SCAPER: variants seen among roughly 807,000 people sequenced by gnomAD.
SCAPER encodes the protein S phase cyclin A-associated protein in the endoplasmic reticulum.
Under a neutral mutation model 182.2 loss-of-function variants are expected in SCAPER, and 98 were observed. The observed-to-expected ratio is 0.54, with a 90% confidence interval of 0.46 to 0.64. SCAPER has a LOEUF of 0.64. Ranked by LOEUF, SCAPER falls within the 30% of genes least tolerant of loss-of-function variation. The probability of loss-of-function intolerance (pLI) is 0.00; values close to 1 mark genes in which losing one functional copy is unlikely to be tolerated. For synonymous variants in SCAPER, 605 were observed against 564.6 expected (o/e 1.07, Z -1.01); for missense variants, 1,432 against 1,690.0 (o/e 0.85, Z 2.68).
chr15:76,683,623 G>A (rs747598515), intron 20 of SCAPER, among the ~76,000 whole-genome samples: 5 of 151,432 alleles, frequency 3.3e-5, no homozygotes, highest in Non-Finnish European at 5.9e-5. Context: ...TCCCAAGGTC[G>A]AAATGAAAGA....
intron 21 of SCAPER, among the ~76,000 whole-genome samples, chr15:76,645,499 CATA>C (rs1482805998): frequency 2.0e-5 from 3 of 150,952 alleles, no homozygotes; most frequent in Admixed American, 2.0e-4. Flanking sequence ...ATACCTGAGG[CATA>C]ATAAGAGCTC....
At chr15:76,895,299 A>G (rs1331792788) in intron 1 of SCAPER, among the ~76,000 whole-genome samples, 1 of 152,202 alleles carries the variant, frequency 6.6e-6, no homozygotes, top group Non-Finnish European at 1.5e-5. Flanking sequence ...ATCTCAATAA[A>G]TGCAGAAAAA....
intron 20 of SCAPER, among the ~76,000 whole-genome samples, chr15:76,678,348 T>C (rs2057484191): frequency 6.6e-6 from 1 of 152,138 alleles, no homozygotes; most frequent in Admixed American, 6.5e-5. Context: ...TTCCTCTCAG[T>C]CTCAGCCTAC....
intron 20 of SCAPER, among the ~76,000 whole-genome samples, chr15:76,678,668 A>G (rs1236281693): frequency 6.6e-6 from 1 of 151,944 alleles, no homozygotes; most frequent in African/African-American, 2.4e-5. Flanking sequence ...CCTGGAAGAG[A>G]AAGAAGAAGA....
At chr15:76,507,557 T>G (rs995256608) in intron 23 of SCAPER, among the ~76,000 whole-genome samples, 2 of 152,142 alleles carry the variant, frequency 1.3e-5, no homozygotes, top group African/African-American at 4.8e-5. Flanking sequence ...TTAGTATATA[T>G]AAGCTCTGTC....
intron 5 of SCAPER, among the ~76,000 whole-genome samples, chr15:76,810,040 T>TTTA (rs2066471534): frequency 6.6e-6 from 1 of 152,048 alleles, no homozygotes; most frequent in South Asian, 2.1e-4. Flanking sequence ...TGATAAAGAC[T>TTTA]TCCAAAGACA....
chr15:76,791,456 T>C (rs1329397870), intron 8 of SCAPER, among the ~76,000 whole-genome samples: 17 of 151,950 alleles, frequency 1.1e-4, no homozygotes. Context: ...CTAAAACACC[T>C]GGAATTTAGG....
At position 76,630,613 on chromosome 15, in the gene SCAPER, G is replaced by A. The variant is rs533540443; in HGVS notation, c.2646-8784C>T. Among the ~76,000 whole-genome samples the A allele has an allele frequency of 7.2e-5, 11 of 152,144 alleles. No homozygotes were observed. In the South Asian group the frequency reaches 8.3e-4, roughly 11 times the overall value. On this transcript the variant is annotated intron_variant, in intron 21 of 31. Coordinates refer to ENST00000563290, the MANE Select transcript of SCAPER (RefSeq NM_020843.4). ...TTTCCATGTAGTTGTGTGGTTTTGC[G>A]TGGGTTTCTTAATCTTGAGTTCTAA... is the stretch of plus-strand genomic sequence containing the variant.
intron 29 of SCAPER, among the ~76,000 whole-genome samples, chr15:76,371,296 C>A (rs2042152594): frequency 6.6e-6 from 1 of 151,608 alleles, no homozygotes; most frequent in African/African-American, 2.4e-5. Context: ...GGTATTTCTA[C>A]CTTATAATAT....
intron 21 of SCAPER, among the ~76,000 whole-genome samples, chr15:76,639,628 GTCAAT>G (rs902440196): frequency 4.6e-5 from 7 of 152,074 alleles, no homozygotes; most frequent in Non-Finnish European, 1.0e-4. Context: ...TCATCAAAAG[GTCAAT>G]TCAAAGATGG....
chr15:76,568,956 G>C (rs561812493), intron 23 of SCAPER, among the ~76,000 whole-genome samples: 1 of 151,790 alleles, frequency 6.6e-6, no homozygotes, highest in Non-Finnish European at 1.5e-5. Context: ...TAACTTATTT[G>C]TGCTATTTAT....
rs138685641 is a variant in SCAPER, at chr15:76,851,423, T to C, written c.195+6386A>G. ...CAAGGTTGAAATGAAAGAAAAAATGTTGAAGGTAGCTTTAATAGAGAGAAA... is the reference window on the plus strand; with the variant it reads ...CAAGGTTGAAATGAAAGAAAAAATGCTGAAGGTAGCTTTAATAGAGAGAAA... On this transcript the variant is annotated intron_variant, in intron 4 of 31. Coordinates refer to ENST00000563290, the MANE Select transcript of SCAPER (RefSeq NM_020843.4). Among the ~76,000 whole-genome samples, 421 of 152,102 alleles carry C rather than the reference T, an allele frequency of 2.8e-3. 1 individual carries two copies. Among genetic ancestry groups the C allele is most frequent in the Middle Eastern group, 6.8e-3 (2 of 294 alleles).
Position 76,905,297 on chromosome 15 carries a change from A to AC in SCAPER, c.-60+1dup. On this transcript the variant is annotated splice_donor_variant, in intron 1 of 31. Coordinates refer to ENST00000563290, the MANE Select transcript of SCAPER (RefSeq NM_020843.4). LOFTEE classifies it low-confidence loss of function (5UTR_SPLICE). ...CTACGCACGCCCCTCGCGGACACTC[A>AC]CCCCCGACCGCCCTGCTTAGTTCGG... The AC allele has an allele frequency of 2.6e-5, 7 of 268,120 alleles. 1 individual carries two copies. Among genetic ancestry groups the AC allele is most frequent in the South Asian group, 1.7e-4 (6 of 34,674 alleles). 16.6% of individuals were successfully genotyped at this position (268,120 alleles called of 1,614,324 possible). A position where few individuals can be genotyped will look rare whatever the true frequency, so the allele number is the denominator to read the frequency against.
chr15:76,720,649 T>C (rs2060175749), intron 17 of SCAPER, among the ~76,000 whole-genome samples: 1 of 152,240 alleles, frequency 6.6e-6, no homozygotes, highest in East Asian at 1.9e-4. Context: ...TATCTCATTG[T>C]GGTTTTGATT....
chr15:76,550,298 C>T (rs1567427711), intron 23 of SCAPER, among the ~76,000 whole-genome samples: 1 of 152,086 alleles, frequency 6.6e-6, no homozygotes, highest in South Asian at 2.1e-4. Flanking sequence ...AACCCATCAC[C>T]TAGGTATTAA....
At chr15:76,720,947 ATTTTGGC>A (rs1567915932) in intron 17 of SCAPER, among the ~76,000 whole-genome samples, 1 of 152,076 alleles carries the variant, frequency 6.6e-6, no homozygotes, top group African/African-American at 2.4e-5. Flanking sequence ...CCATTTGTCA[ATTTTGGC>A]TTTTGTTGCC....
intron 10 of SCAPER, among the ~76,000 whole-genome samples, chr15:76,770,602 A>C (rs2063408658): frequency 6.6e-6 from 1 of 152,174 alleles, no homozygotes; most frequent in African/African-American, 2.4e-5. Flanking sequence ...TGACTCTGCA[A>C]GTTTATATAT....
At chr15:76,800,784 C>T (rs1298545761) in intron 6 of SCAPER, among the ~76,000 whole-genome samples, 2 of 152,180 alleles carry the variant, frequency 1.3e-5, no homozygotes, top group African/African-American at 2.4e-5. Context: ...AGAAAGAATA[C>T]GGTAAGGGTT....
At chr15:76,516,373 ACCCCAC>A (rs2042422541) in intron 23 of SCAPER, among the ~76,000 whole-genome samples, 1 of 71,242 alleles carries the variant, frequency 1.4e-5, no homozygotes, top group Non-Finnish European at 2.9e-5. Context: ...ACCACCCCCC[ACCCCAC>A]CCCCGCAACT....
Sources: allele counts gnomAD v4.1 joint callset (sites outside exome capture counted in the v4.1 genomes callset), GRCh38; gene constraint gnomAD v4.1.1; transcripts MANE v1.5; gene names NCBI Gene and HGNC (gene_info 2026-07-23, HGNC 2026-07-21).